The following KCNH1 variants were observed in gnomAD, a reference collection of about 807,000 sequenced individuals.
KCNH1 encodes the protein voltage-gated delayed rectifier potassium channel KCNH1.
In KCNH1, 27 loss-of-function variants were observed where a neutral mutation model predicts 69.2. The ratio of observed to expected loss-of-function variants is 0.39; its 90% CI spans 0.29 to 0.54. The LOEUF is 0.54. KCNH1 is among the 20% of genes least tolerant of loss of function. The probability of loss-of-function intolerance (pLI) is 0.68; values close to 1 mark genes in which losing one functional copy is unlikely to be tolerated. For synonymous variants in KCNH1, 456 were observed against 487.7 expected (o/e 0.93, Z 0.86); for missense variants, 798 against 1,261.6 (o/e 0.63, Z 5.57).
At chr1:210,940,449 A>C (rs1501560) in intron 6 of KCNH1, among the ~76,000 whole-genome samples, 32,400 of 152,176 alleles carry the variant, frequency 0.21, 4,261 homozygotes, top group Non-Finnish European at 0.3. Context: ...CATTCAGGGG[A>C]AGGATGTGGT....
At chr1:210,799,941 C>T (rs957475166) in intron 8 of KCNH1, among the ~76,000 whole-genome samples, 5 of 152,246 alleles carry the variant, frequency 3.3e-5, no homozygotes, top group African/African-American at 1.2e-4. Flanking sequence ...GTTGAAATCC[C>T]AGCTCCTTCC....
intron 7 of KCNH1, among the ~76,000 whole-genome samples, chr1:210,847,377 T>A (rs1479014812): frequency 2.0e-5 from 3 of 152,164 alleles, no homozygotes; most frequent in Admixed American, 2.0e-4. Context: ...TGGCACATAT[T>A]CACAATGGAA....
intron 6 of KCNH1, among the ~76,000 whole-genome samples, chr1:210,940,455 GT>G: frequency 6.6e-6 from 1 of 152,342 alleles, no homozygotes; most frequent in Non-Finnish European, 1.5e-5. Flanking sequence ...GGGGAAGGAT[GT>G]GGTTACTGAG....
At chr1:210,729,381 C>G (rs1177581417) in intron 10 of KCNH1, among the ~76,000 whole-genome samples, 1 of 152,196 alleles carries the variant, frequency 6.6e-6, no homozygotes, top group African/African-American at 2.4e-5. Flanking sequence ...GGTAGAAATA[C>G]CCCAAGTCTA....
At chr1:211,115,710 T>TATATATATATATAC (rs1691563215) in intron 1 of KCNH1, among the ~76,000 whole-genome samples, 1 of 80,262 alleles carries the variant, frequency 1.2e-5, no homozygotes, top group Non-Finnish European at 2.5e-5. Flanking sequence ...CCTATATATA[T>TATATATATATATAC]ATATATGTAT....
intron 10 of KCNH1, among the ~76,000 whole-genome samples, chr1:210,750,268 G>A (rs1273303286): frequency 1.3e-5 from 2 of 152,192 alleles, no homozygotes; most frequent in African/African-American, 4.8e-5. Flanking sequence ...GATAAAATAT[G>A]TGAAAGTGCC....
chr1:211,024,860 C>A (rs980374758), intron 5 of KCNH1, among the ~76,000 whole-genome samples: 1 of 151,734 alleles, frequency 6.6e-6, no homozygotes, highest in African/African-American at 2.4e-5. Context: ...ATGAGCCCAG[C>A]ATGCTGGCTG....
At chr1:210,928,784 C>T (rs1178259852) in intron 6 of KCNH1, among the ~76,000 whole-genome samples, 1 of 151,754 alleles carries the variant, frequency 6.6e-6, no homozygotes, top group African/African-American at 2.4e-5. Context: ...ATTGATAGAC[C>T]ATTAACAAGA....
At chr1:210,988,265 C>T (rs1177167580) in intron 6 of KCNH1, among the ~76,000 whole-genome samples, 3 of 152,068 alleles carry the variant, frequency 2.0e-5, no homozygotes, top group Non-Finnish European at 2.9e-5. Context: ...CTTCAGATCA[C>T]ACATGGTGTG....
chr1:210,942,990 A>G (rs927688981), intron 6 of KCNH1, among the ~76,000 whole-genome samples: 1 of 152,222 alleles, frequency 6.6e-6, no homozygotes, highest in Non-Finnish European at 1.5e-5. Flanking sequence ...GTAATAGCAA[A>G]TAAAAATAAT....
intron 7 of KCNH1, among the ~76,000 whole-genome samples, chr1:210,846,526 T>C (rs1685552534): frequency 6.6e-6 from 1 of 152,132 alleles, no homozygotes; most frequent in Non-Finnish European, 1.5e-5. Context: ...TGGCTAGCCA[T>C]ATGTAGAAAG....
chr1:210,697,802 C>T (rs529178360), intron 10 of KCNH1, among the ~76,000 whole-genome samples: 34 of 152,378 alleles, frequency 2.2e-4, no homozygotes, highest in African/African-American at 7.5e-4. Context: ...CAAGGCCCCT[C>T]CTCTGCTTCC....
chr1:211,008,610 G>A (rs1689330376), intron 6 of KCNH1, among the ~76,000 whole-genome samples: 1 of 152,204 alleles, frequency 6.6e-6, no homozygotes, highest in Non-Finnish European at 1.5e-5. Context: ...TTCAAGAATA[G>A]GTAAAACTAA....
intron 6 of KCNH1, among the ~76,000 whole-genome samples, chr1:210,985,805 G>T (rs528587783): frequency 1.3e-5 from 2 of 152,124 alleles, no homozygotes; most frequent in Non-Finnish European, 2.9e-5. Flanking sequence ...AGGTATGCTT[G>T]GTCCAGAGCT....
At chr1:211,096,053 T>TTATTTATTTATTTATTTATG (rs1452170308) in intron 3 of KCNH1, among the ~76,000 whole-genome samples, 4 of 151,338 alleles carry the variant, frequency 2.6e-5, no homozygotes, top group Non-Finnish European at 5.9e-5. Flanking sequence ...ATCACTTTAT[T>TTATTTATTTATTTATTTATG]TATTTATTTA....
chr1:211,089,981 G>C (rs1191326752), intron 4 of KCNH1, among the ~76,000 whole-genome samples: 3 of 152,204 alleles, frequency 2.0e-5, no homozygotes. Context: ...ACATGCATAT[G>C]ATATGGCTGA....
intron 6 of KCNH1, among the ~76,000 whole-genome samples, chr1:210,998,964 A>T (rs541553541): frequency 6.6e-6 from 1 of 152,336 alleles, no homozygotes; most frequent in Admixed American, 6.5e-5. Flanking sequence ...TTTGAAACCG[A>T]TGAGAACAAA....
At chr1:210,805,555 T>C (rs913591960) in intron 7 of KCNH1, among the ~76,000 whole-genome samples, 2 of 152,010 alleles carry the variant, frequency 1.3e-5, no homozygotes, top group Non-Finnish European at 2.9e-5. Flanking sequence ...TTTATATACA[T>C]GGAATCATAC....
chr1:210,951,335 C>T (rs1241090113), intron 6 of KCNH1, among the ~76,000 whole-genome samples: 2 of 152,154 alleles, frequency 1.3e-5, no homozygotes, highest in Non-Finnish European at 2.9e-5. Context: ...GTTTGTAAAG[C>T]ATAAGATCCA....
Sources: gnomAD v4.1 joint callset for allele counts (sites outside exome capture counted in the v4.1 genomes callset) on GRCh38, gnomAD v4.1.1 for gene constraint, MANE v1.5 for transcripts, NCBI Gene and HGNC (gene_info 2026-07-23, HGNC 2026-07-21) for gene names.